The following CHN1 variants were observed in gnomAD, a reference collection of about 807,000 sequenced individuals.
CHN1 encodes chimerin 1.
In CHN1, 37 loss-of-function variants were observed where a neutral mutation model predicts 59.5. That is an observed-to-expected ratio of 0.62 (90% CI 0.48 to 0.82). CHN1 has a LOEUF of 0.82. Ranked by LOEUF, CHN1 falls within the 40% of genes least tolerant of loss-of-function variation. The pLI is 0.00. For synonymous variants in CHN1, 206 were observed against 200.4 expected, an observed-to-expected ratio of 1.03 and a Z score of -0.24; for missense variants, 469 against 571.0, an observed-to-expected ratio of 0.82 and a Z score of 1.82.
chr2:174,837,468 T>G (rs1686127590), intron 7 of CHN1: 1 of 152,248 alleles, frequency 6.6e-6, no homozygotes, highest in African/African-American at 2.4e-5. Flanking sequence ...AGCCTCTGAC[T>G]ACCATGACCT....
At chr2:174,898,319 T>C (rs992424485) in intron 5 of CHN1, among the ~76,000 whole-genome samples, 5 of 151,984 alleles carry the variant, frequency 3.3e-5, no homozygotes, top group Non-Finnish European at 5.9e-5. Flanking sequence ...TTGTCACTTC[T>C]GGCCAGGCGC....
intron 8 of CHN1, among the ~76,000 whole-genome samples, chr2:174,813,385 G>A (rs1203617401): frequency 3.3e-5 from 5 of 152,278 alleles, no homozygotes; most frequent in South Asian, 4.1e-4. Flanking sequence ...TCTAGGAACC[G>A]CCACATGTTC....
intron 5 of CHN1, among the ~76,000 whole-genome samples, chr2:174,908,586 C>T (rs1176305088): frequency 6.6e-6 from 1 of 152,188 alleles, no homozygotes; most frequent in Non-Finnish European, 1.5e-5. Flanking sequence ...ATTCCGGCAC[C>T]ATTTCTTCTT....
At chr2:174,802,963 A>G (rs1039414349) in intron 11 of CHN1, among the ~76,000 whole-genome samples, 4 of 152,136 alleles carry the variant, frequency 2.6e-5, no homozygotes, top group African/African-American at 9.7e-5. Context: ...ACTTGAACCC[A>G]GGAGGTGGAG....
chr2:174,945,370 CTATT>C (rs1301056412), intron 2 of CHN1: 1 of 164,300 alleles, frequency 6.1e-6, no homozygotes, highest in Non-Finnish European at 1.4e-5. Flanking sequence ...AACGAACACA[CTATT>C]TATATTGCAA....
At chr2:174,830,473 C>T (rs957559876) in intron 7 of CHN1, among the ~76,000 whole-genome samples, 1 of 152,080 alleles carries the variant, frequency 6.6e-6, no homozygotes, top group Admixed American at 6.5e-5. Flanking sequence ...TACTAACCAC[C>T]CTATAACTCT....
intron 3 of CHN1, among the ~76,000 whole-genome samples, chr2:174,930,471 G>A (rs563823326): frequency 1.4e-4 from 21 of 152,256 alleles, no homozygotes; most frequent in East Asian, 7.7e-4. Flanking sequence ...CATGAGCTCC[G>A]TGGAGTCATG....
chr2:174,895,158 AT>A (rs1688176677), intron 5 of CHN1, among the ~76,000 whole-genome samples: 3 of 149,856 alleles, frequency 2.0e-5, no homozygotes, highest in Non-Finnish European at 3.0e-5. Context: ...CTGTGTATAC[AT>A]ATGTGGTTAT....
rs568365181 is a variant in CHN1 at position 174,897,171 on chromosome 2, AGTTTCT to A, written c.260+17881_260+17886del. ...CTTTCTTATTCAAAATGGATGTTCC[AGTTTCT>A]GAAATGTACTGATTTTAAAGACTGA... On this transcript the variant is annotated intron_variant, in intron 5 of 12. Transcript: ENST00000409900. 4.4e-3 allele frequency among the ~76,000 whole-genome samples: 673 copies of A among 152,336 alleles called. 5 individuals are homozygous for A. The highest frequency in any genetic ancestry group is 0.015 in the African/African-American group (634 of 41,578).
chr2:174,799,840 T>C lies in CHN1; in HGVS notation c.*276A>G. ...GCGCAGGTTTGTTGTTTCTTCTGTA[T>C]GGGGTTTCCTTGCCAGATAGGGGGC... On this transcript the variant is annotated 3_prime_UTR_variant, in exon 13 of 13. Transcript: ENST00000409900. 1 of 571,192 alleles carries C rather than the reference T, an allele frequency of 1.8e-6. No individual in the cohort carries two copies. The highest frequency in any genetic ancestry group is 4.7e-4 in the Middle Eastern group (1 of 2,140). 35.4% of individuals were successfully genotyped at this position (571,192 alleles called of 1,614,324 possible). A position where few individuals can be genotyped will look rare whatever the true frequency, so the allele number is the denominator to read the frequency against.
At chr2:174,911,910 C>A (rs1688714706) in intron 5 of CHN1, among the ~76,000 whole-genome samples, 1 of 152,108 alleles carries the variant, frequency 6.6e-6, no homozygotes, top group African/African-American at 2.4e-5. Flanking sequence ...TAAGGCTGGA[C>A]CCACAGACAT....
At chr2:174,860,721 C>A (rs1237276253) in intron 6 of CHN1, among the ~76,000 whole-genome samples, 1 of 152,034 alleles carries the variant, frequency 6.6e-6, no homozygotes, top group Non-Finnish European at 1.5e-5. Context: ...GTATTTTTGT[C>A]CCATAATCAC....
At chr2:174,893,760 A>C (rs1332388671) in intron 5 of CHN1, among the ~76,000 whole-genome samples, 1 of 152,226 alleles carries the variant, frequency 6.6e-6, no homozygotes, top group Admixed American at 6.5e-5. Flanking sequence ...TACAGTAATC[A>C]AAGTTGTATG....
At chr2:174,945,111 G>A (rs1176496373) in intron 2 of CHN1, 168 bp from the exon 3 acceptor site, 2 of 552,238 alleles carry the variant, frequency 3.6e-6, no homozygotes, top group Non-Finnish European at 6.6e-6. Flanking sequence ...ACTACATATA[G>A]TGAAAGCCCA....
At chr2:174,806,099 A>C (rs2105375686) in intron 11 of CHN1, among the ~76,000 whole-genome samples, 1 of 152,084 alleles carries the variant, frequency 6.6e-6, no homozygotes, top group South Asian at 2.1e-4. Context: ...CTGTCCTTTT[A>C]TTCTAGGGCA....
intron 3 of CHN1, among the ~76,000 whole-genome samples, chr2:174,942,464 C>G (rs1255075542): frequency 1.3e-5 from 2 of 151,832 alleles, no homozygotes; most frequent in East Asian, 3.9e-4. Context: ...ATAAATTGAT[C>G]TCACAGAAGA....
intron 7 of CHN1, among the ~76,000 whole-genome samples, chr2:174,834,600 G>A (rs1026232647): frequency 1.3e-5 from 2 of 152,038 alleles, no homozygotes; most frequent in Non-Finnish European, 2.9e-5. Flanking sequence ...GTCTTGCATA[G>A]TTTTTGATGA....
chr2:174,940,198 T>A (rs1574190343), intron 3 of CHN1, among the ~76,000 whole-genome samples: 1 of 152,060 alleles, frequency 6.6e-6, no homozygotes, highest in Non-Finnish European at 1.5e-5. Flanking sequence ...GCTGGCTAAT[T>A]TTTTGTTTTT....
chr2:174,860,967 G>A (rs755339546), intron 6 of CHN1, among the ~76,000 whole-genome samples: 8 of 152,078 alleles, frequency 5.3e-5, no homozygotes, highest in Non-Finnish European at 1.0e-4. Context: ...AATACAGACA[G>A]GGAGCTGCAG....
Sources: allele counts gnomAD v4.1 joint callset (sites outside exome capture counted in the v4.1 genomes callset), GRCh38; gene constraint gnomAD v4.1.1; transcripts MANE v1.5; gene names NCBI Gene and HGNC (gene_info 2026-07-23, HGNC 2026-07-21).